Variants in ENPEP observed in about 807,000 individuals in gnomAD.
ENPEP encodes glutamyl aminopeptidase.
Under a neutral mutation model 114.5 loss-of-function variants are expected in ENPEP, and 103 were observed. The observed-to-expected ratio is 0.90, with a 90% CI of 0.77 to 1.06. The LOEUF (loss-of-function observed/expected upper bound fraction) is 1.06, where lower values mean the gene tolerates loss of function less well. ENPEP is among the 50% of genes least tolerant of loss of function. ENPEP has a pLI of 0.00. For missense variants in ENPEP, 1,196 were observed against 1,161.3 expected (o/e 1.03, Z -0.43); for synonymous variants, 420 against 422.0 (o/e 1.00, Z 0.06).
Position 110,515,358 on chromosome 4 carries a change from CT to C in ENPEP, c.1444-14del. 6.2e-7 allele frequency: 1 copy of C among 1,600,144 alleles called. No individual in the cohort carries two copies. Among genetic ancestry groups the C allele is most frequent in the Non-Finnish European group, 8.5e-7 (1 of 1,171,806 alleles). On this transcript the variant is annotated intron_variant, in intron 7 of 19. Coordinates refer to ENST00000265162, the MANE Select transcript of ENPEP (RefSeq NM_001977.4). ...CATAGCCTTTATTAGTTTCATTTGT[CT>C]TTTTATCCCCATTGTAGGGATCTTC...
chr4:110,550,388 C>G (rs958378162), intron 17 of ENPEP, among the ~76,000 whole-genome samples: 1 of 152,038 alleles, frequency 6.6e-6, no homozygotes, highest in Admixed American at 6.6e-5. Flanking sequence ...CCTTTGCTCA[C>G]TAGGGTGAAC....
rs140932883 is a variant in ENPEP at position 110,478,539 on chromosome 4, A to C, written c.644+1481A>C. On this transcript the variant is annotated intron_variant, in intron 1 of 19. Coordinates refer to ENST00000265162, the MANE Select transcript of ENPEP (RefSeq NM_001977.4). The stretch of plus-strand genomic sequence containing the variant: ...ACCTTTAATTGCATTATATCTGTCT[A>C]TCTATATGCCTTTTTTACTTAATGT... Among the ~76,000 whole-genome samples, 44 of 152,280 alleles carry C rather than the reference A, an allele frequency of 2.9e-4. 1 individual carries two copies. Among genetic ancestry groups the C allele is most frequent in the African/African-American group, 9.9e-4 (41 of 41,564 alleles).
chr4:110,538,300 T>G (rs966458389), intron 11 of ENPEP, among the ~76,000 whole-genome samples: 2 of 152,222 alleles, frequency 1.3e-5, no homozygotes, highest in Non-Finnish European at 1.5e-5. Flanking sequence ...GATCTTCTTA[T>G]TAACTTGCTT....
chr4:110,533,217 A>G, intron 11 of ENPEP: 1 of 302,364 alleles, frequency 3.3e-6, no homozygotes. Context: ...CATACAAGTG[A>G]ATTTTCCAGA....
chr4:110,538,900 T>C (rs868116867), intron 11 of ENPEP, among the ~76,000 whole-genome samples: 3 of 151,538 alleles, frequency 2.0e-5, no homozygotes, highest in Non-Finnish European at 4.4e-5. Context: ...AAGAGAAAGA[T>C]AAAAAGAGAG....
At chr4:110,499,899 G>C (rs7666533) in intron 3 of ENPEP, 1 of 152,076 alleles carries the variant, frequency 6.6e-6, no homozygotes, top group Non-Finnish European at 1.5e-5. Flanking sequence ...TAGAATTGAC[G>C]TGTGGAGTAA....
intron 19 of ENPEP, among the ~76,000 whole-genome samples, chr4:110,560,221 T>G (rs1196189000): frequency 2.6e-5 from 4 of 152,244 alleles, no homozygotes; most frequent in East Asian, 1.9e-4. Flanking sequence ...GTTCCAAGTC[T>G]TTGATATTGT....
chr4:110,507,027 T>C (rs191797751), intron 4 of ENPEP, among the ~76,000 whole-genome samples: 162 of 152,318 alleles, frequency 1.1e-3, no homozygotes, highest in Non-Finnish European at 6.9e-4. Flanking sequence ...TGAAAGTATG[T>C]GCACAAAATG....
Position 110,548,279 on chromosome 4 carries a change from A to C in ENPEP, c.2104A>C (p.Ile702Leu), listed in dbSNP as rs758456429. The C allele has an allele frequency of 2.5e-5, 40 of 1,605,500 alleles. No homozygotes were observed. Among genetic ancestry groups the C allele is most frequent in the Middle Eastern group, 1.7e-4 (1 of 6,028 alleles). ...WQRVISAVTY[I>L]ISMFEDDKEL... ...GAGAGTAATTTCAGCTGTAACCTAC[A>C]TCATTAGCATGTTTGAAGATGATAA... The change falls in exon 14 of 20, where the codon ATC becomes CTC. Residue 702 changes from isoleucine to leucine, a missense_variant. Ile to Leu is a conservative substitution (Grantham distance 5, BLOSUM62 2). Transcript: ENST00000265162.
In ENPEP at chr4:110,564,136, C is replaced by G. The variant is rs934532410; in HGVS notation, c.*2578C>G. On this transcript the variant is annotated 3_prime_UTR_variant, in exon 20 of 20. Coordinates refer to ENST00000265162, the MANE Select transcript of ENPEP (RefSeq NM_001977.4). Reference sequence around the variant, plus strand: ...AAGCATTTTTATAAACACTAGCACTCCACATAACATTAATTTTTACAAAAC... The same window carrying G: ...AAGCATTTTTATAAACACTAGCACTGCACATAACATTAATTTTTACAAAAC... 2.0e-5 allele frequency: 3 copies of G among 151,514 alleles called. No homozygotes were observed. Among genetic ancestry groups the G allele is most frequent in the East Asian group, 3.9e-4 (2 of 5,178 alleles). 9.4% of individuals were successfully genotyped at this position (151,514 alleles called of 1,614,324 possible).
At chr4:110,503,256 C>A (rs541752538) in intron 3 of ENPEP, among the ~76,000 whole-genome samples, 1 of 152,248 alleles carries the variant, frequency 6.6e-6, no homozygotes, top group African/African-American at 2.4e-5. Context: ...TTATTTTTGT[C>A]GGACTGAGTT....
chr4:110,506,857 T>C (rs923811646), intron 4 of ENPEP, 100 bp downstream of exon 4: 12 of 1,063,448 alleles, frequency 1.1e-5, no homozygotes, highest in Admixed American at 5.8e-5. Flanking sequence ...TTAACAGTTA[T>C]CCTTAAGTCC....
chr4:110,509,579 A>G (rs1725495715), intron 4 of ENPEP, 74 bp from the exon 5 acceptor site: 2 of 1,517,520 alleles, frequency 1.3e-6, no homozygotes, highest in Non-Finnish European at 1.8e-6. Flanking sequence ...CATCCAAATA[A>G]CTTAATTTGG....
intron 1 of ENPEP, among the ~76,000 whole-genome samples, chr4:110,482,673 A>G (rs1724356748): frequency 6.6e-6 from 1 of 152,192 alleles, no homozygotes. Flanking sequence ...TTAGATTAGT[A>G]TGCTGAGCTA....
intron 8 of ENPEP, among the ~76,000 whole-genome samples, chr4:110,516,995 G>GT (rs1166647921): frequency 6.6e-6 from 1 of 152,100 alleles, no homozygotes; most frequent in African/African-American, 2.4e-5. Context: ...CAAGGCTGGA[G>GT]TGCAGTGGCG....
At chr4:110,519,677 T>A (rs1725908664) in intron 8 of ENPEP, among the ~76,000 whole-genome samples, 1 of 152,084 alleles carries the variant, frequency 6.6e-6, no homozygotes. Context: ...TGTATATTTA[T>A]TTCCTTAGAG....
At chr4:110,495,312 C>T (rs1031815457) in intron 3 of ENPEP, among the ~76,000 whole-genome samples, 3 of 152,118 alleles carry the variant, frequency 2.0e-5, no homozygotes, top group African/African-American at 7.2e-5. Flanking sequence ...TATATAAAAT[C>T]ATTTGAAGTT....
intron 1 of ENPEP, among the ~76,000 whole-genome samples, chr4:110,478,975 T>C (rs913788535): frequency 6.6e-6 from 1 of 152,208 alleles, no homozygotes; most frequent in African/African-American, 2.4e-5. Context: ...TACCAAGATA[T>C]TGTAATAGTT....
At chr4:110,489,591 GAAAA>G (rs759008296) in intron 2 of ENPEP, among the ~76,000 whole-genome samples, 25 of 151,914 alleles carry the variant, frequency 1.6e-4, no homozygotes, top group Middle Eastern at 3.4e-3. Context: ...ATTAAAAAAA[GAAAA>G]AAGAGAAAAA....
Sources: allele counts gnomAD v4.1 joint callset (sites outside exome capture counted in the v4.1 genomes callset), GRCh38; gene constraint gnomAD v4.1.1; transcripts MANE v1.5; gene names NCBI Gene and HGNC (gene_info 2026-07-23, HGNC 2026-07-21).